Variants in ACOXL observed in about 807,000 individuals in gnomAD.
ACOXL encodes the protein acyl-coenzyme A oxidase-like protein.
In ACOXL, 70 loss-of-function variants were observed where a neutral mutation model predicts 71.9. The observed-to-expected ratio is 0.97, with a 90% CI of 0.80 to 1.19. The LOEUF (loss-of-function observed/expected upper bound fraction) is 1.19, where lower values mean the gene tolerates loss of function less well. Among genes scored for constraint, ACOXL ranks in the 50% most tolerant of loss-of-function variants. The pLI is 0.00. For synonymous variants in ACOXL, 253 were observed against 281.6 expected (o/e 0.90, Z 1.02); for missense variants, 703 against 736.3 (o/e 0.95, Z 0.52).
chr2:110,804,426 T>C (rs958325023), intron 8 of ACOXL, among the ~76,000 whole-genome samples: 17 of 152,128 alleles, frequency 1.1e-4, no homozygotes, highest in African/African-American at 3.4e-4. Context: ...TCCTCAAAAG[T>C]GTAAAGTTAT....
intron 12 of ACOXL, among the ~76,000 whole-genome samples, chr2:110,972,764 G>C (rs747627502): frequency 6.7e-4 from 102 of 152,102 alleles, no homozygotes; most frequent in Non-Finnish European, 1.2e-3. Flanking sequence ...TCTCTCAATG[G>C]AGTCATGCAG....
chr2:110,971,816 C>T (rs2062203403), intron 12 of ACOXL, among the ~76,000 whole-genome samples: 1 of 152,078 alleles, frequency 6.6e-6, no homozygotes, highest in African/African-American at 2.4e-5. Context: ...ATCAAAAAAT[C>T]TTCTTAAGAA....
chr2:111,012,327 G>C (rs181095070), intron 14 of ACOXL, among the ~76,000 whole-genome samples: 18 of 152,272 alleles, frequency 1.2e-4, no homozygotes, highest in African/African-American at 2.9e-4. Context: ...ACACTTAGTA[G>C]AATATAGTGT....
chr2:110,891,319 C>T (rs1361705155), intron 10 of ACOXL, among the ~76,000 whole-genome samples: 1 of 152,052 alleles, frequency 6.6e-6, no homozygotes, highest in Non-Finnish European at 1.5e-5. Flanking sequence ...AAAAGTCTAT[C>T]TTGTACAATA....
chr2:111,031,554 C>CGTCT (rs1355002319), intron 14 of ACOXL, 73 bp from the exon 15 acceptor site: 9 of 1,378,738 alleles, frequency 6.5e-6, no homozygotes, highest in Non-Finnish European at 7.2e-6. Context: ...GGATGTTTGC[C>CGTCT]GTCTGTCTTG....
chr2:110,888,593 AC>A (rs1697595999), intron 10 of ACOXL, among the ~76,000 whole-genome samples: 1 of 152,180 alleles, frequency 6.6e-6, no homozygotes, highest in Admixed American at 6.5e-5. Flanking sequence ...AGGATACTGC[AC>A]GAATGTCCTT....
chr2:110,774,192 C>T, intron 2 of ACOXL, among the ~76,000 whole-genome samples: 1 of 152,118 alleles, frequency 6.6e-6, no homozygotes, highest in East Asian at 1.9e-4. Context: ...TTATTGAGCA[C>T]CTACAGTGAG....
chr2:110,908,059 A>C (rs1303612282), intron 10 of ACOXL, among the ~76,000 whole-genome samples: 2 of 152,252 alleles, frequency 1.3e-5, no homozygotes, highest in East Asian at 1.9e-4. Context: ...GTAGAGCATC[A>C]GGCTGCAAGG....
intron 9 of ACOXL, among the ~76,000 whole-genome samples, chr2:110,817,360 C>A (rs1213882404): frequency 6.6e-6 from 1 of 152,244 alleles, no homozygotes; most frequent in East Asian, 1.9e-4. Context: ...TTGTACACAT[C>A]TGTGTCCCAC....
chr2:110,983,412 T>G (rs550438599), intron 12 of ACOXL, among the ~76,000 whole-genome samples: 18 of 152,362 alleles, frequency 1.2e-4, no homozygotes, highest in African/African-American at 4.1e-4. Context: ...AACTCACAGT[T>G]TCCAAATGTT....
chr2:110,903,883 A>G (rs2059340994), intron 10 of ACOXL, among the ~76,000 whole-genome samples: 1 of 152,238 alleles, frequency 6.6e-6, no homozygotes, highest in Non-Finnish European at 1.5e-5. Context: ...AGGGTCTCTC[A>G]CGGGCCAGGC....
chr2:110,753,392 G>T (rs959839513), intron 1 of ACOXL, among the ~76,000 whole-genome samples: 1 of 152,126 alleles, frequency 6.6e-6, no homozygotes, highest in East Asian at 1.9e-4. Flanking sequence ...TCATTGACAG[G>T]GCTATTGGAA....
intron 14 of ACOXL, among the ~76,000 whole-genome samples, chr2:111,020,451 A>C (rs2064696985): frequency 6.6e-6 from 1 of 152,120 alleles, no homozygotes; most frequent in Non-Finnish European, 1.5e-5. Context: ...ACATTCTTGA[A>C]ACCAGGAGGA....
intron 10 of ACOXL, among the ~76,000 whole-genome samples, chr2:110,892,593 T>C (rs2149154534): frequency 6.6e-6 from 1 of 152,322 alleles, no homozygotes; most frequent in Middle Eastern, 3.4e-3. Context: ...CAGGATTTTT[T>C]TTCTCTTAGG....
At chr2:110,936,933 C>T (rs916817026) in intron 12 of ACOXL, among the ~76,000 whole-genome samples, 42 of 151,912 alleles carry the variant, frequency 2.8e-4, no homozygotes, top group African/African-American at 8.5e-4. Context: ...CCACAACCTC[C>T]GCCTCCTGGG....
intron 11 of ACOXL, among the ~76,000 whole-genome samples, chr2:110,924,474 A>T (rs963786741): frequency 2.0e-5 from 3 of 152,206 alleles, no homozygotes; most frequent in African/African-American, 7.2e-5. Context: ...AGTTTACATG[A>T]TATTTTAAAT....
At chr2:110,892,888 C>G (rs749437991) in intron 10 of ACOXL, among the ~76,000 whole-genome samples, 1 of 152,156 alleles carries the variant, frequency 6.6e-6, no homozygotes, top group Non-Finnish European at 1.5e-5. Flanking sequence ...TAAACAGGAG[C>G]CTGTTCACCT....
chr2:110,743,835 T>C (rs1677845187), intron 1 of ACOXL, among the ~76,000 whole-genome samples: 1 of 152,254 alleles, frequency 6.6e-6, no homozygotes, highest in South Asian at 2.1e-4. Context: ...TGAATGTGCC[T>C]ACACATTTCT....
At chr2:110,898,612 G>A (rs946936658) in intron 10 of ACOXL, among the ~76,000 whole-genome samples, 4 of 152,160 alleles carry the variant, frequency 2.6e-5, no homozygotes, top group African/African-American at 4.8e-5. Context: ...GAGCACCTAC[G>A]AAAATTGTAC....
Sources: allele counts gnomAD v4.1 joint callset (sites outside exome capture counted in the v4.1 genomes callset), GRCh38; gene constraint gnomAD v4.1.1; transcripts MANE v1.5; gene names NCBI Gene and HGNC (gene_info 2026-07-23, HGNC 2026-07-21).